VPS53: variants seen among roughly 807,000 people sequenced by gnomAD.
The protein encoded by VPS53 is VPS53 subunit of GARP complex.
In VPS53, 70 loss-of-function variants were observed where a neutral mutation model predicts 107.0. The ratio of observed to expected loss-of-function variants is 0.65; its 90% confidence interval spans 0.54 to 0.80. VPS53 has a LOEUF of 0.80. Among genes scored for constraint, VPS53 ranks in the 30% least tolerant of loss-of-function variants. The pLI, the probability that VPS53 is intolerant of heterozygous loss-of-function variation, is 0.00. For synonymous variants in VPS53, 409 were observed against 393.3 expected, an observed-to-expected ratio of 1.04 and a Z score of -0.47; for missense variants, 917 against 1,049.4, an observed-to-expected ratio of 0.87 and a Z score of 1.74.
At chr17:661,632 C>G (rs1971442426) in intron 5 of VPS53, among the ~76,000 whole-genome samples, 177 bp downstream of exon 5, 1 of 152,102 alleles carries the variant, frequency 6.6e-6, no homozygotes, top group South Asian at 2.1e-4. Flanking sequence ...CCACCACTGA[C>G]CAGCAGCTCC....
intron 15 of VPS53, among the ~76,000 whole-genome samples, 169 bp downstream of exon 15, chr17:560,257 G>C (rs548177038): frequency 2.0e-5 from 3 of 152,266 alleles, no homozygotes; most frequent in Non-Finnish European, 4.4e-5. Context: ...TAAGACAGCT[G>C]CCTGGGCAGC....
chr17:710,531 A>C lies in VPS53; in HGVS notation c.168+2T>G. ...AGGAAGGAAACCTGAAACTCTACTTACTTGCTCGGTTGGGAACAGGGTATT... is the reference window on the plus strand; with the variant it reads ...AGGAAGGAAACCTGAAACTCTACTTCCTTGCTCGGTTGGGAACAGGGTATT... On this transcript the variant is annotated splice_donor_variant, in intron 2 of 21. Transcript: ENST00000437048. LOFTEE classifies it high-confidence loss of function. 6.2e-7 allele frequency: 1 copy of C among 1,612,344 alleles called. No homozygotes were observed. Among genetic ancestry groups the C allele is most frequent in the South Asian group, 1.1e-5 (1 of 90,992 alleles).
intron 4 of VPS53, among the ~76,000 whole-genome samples, chr17:670,181 G>T (rs1244938246): frequency 6.6e-6 from 1 of 151,242 alleles, no homozygotes; most frequent in African/African-American, 2.4e-5. Context: ...CCCTACTGGA[G>T]TTTCTGAACT....
chr17:665,328 C>CGCGGGAAGAT, intron 4 of VPS53, among the ~76,000 whole-genome samples: 1 of 152,164 alleles, frequency 6.6e-6, no homozygotes, highest in Non-Finnish European at 1.5e-5. Context: ...AAGCCCTCGC[C>CGCGGGAAGAT]GCGGGAAGAT....
At chr17:589,803 G>C (rs1193261700) in intron 12 of VPS53, among the ~76,000 whole-genome samples, 2 of 152,134 alleles carry the variant, frequency 1.3e-5, no homozygotes, top group South Asian at 2.1e-4. Flanking sequence ...TTTGAAGTCA[G>C]GTAGTGTGAT....
chr17:540,479 AC>A (rs1910545898), intron 17 of VPS53: 1 of 152,324 alleles, frequency 6.6e-6, no homozygotes. Flanking sequence ...TGCTGGGATT[AC>A]AGGTGTGAGC....
chr17:702,353 AG>A, intron 2 of VPS53, among the ~76,000 whole-genome samples: 1 of 152,056 alleles, frequency 6.6e-6, no homozygotes. Flanking sequence ...AATCTCAAAA[AG>A]AAAAAATAAA....
chr17:556,378 C>A (rs186247110), intron 15 of VPS53, among the ~76,000 whole-genome samples: 17 of 152,322 alleles, frequency 1.1e-4, no homozygotes, highest in African/African-American at 4.1e-4. Flanking sequence ...ACAAATATTT[C>A]ATATCAATGT....
chr17:654,142 C>A (rs185701446), intron 6 of VPS53, among the ~76,000 whole-genome samples: 86 of 152,146 alleles, frequency 5.7e-4, no homozygotes, highest in African/African-American at 2.1e-3. Flanking sequence ...TTTCAGTGAC[C>A]CGAGATCGTG....
chr17:632,631 C>T, intron 7 of VPS53: 1 of 443,772 alleles, frequency 2.3e-6, no homozygotes, highest in South Asian at 1.6e-5. Context: ...TATTTTTGTG[C>T]CCAGTAGCCA....
intron 1 of VPS53, among the ~76,000 whole-genome samples, chr17:712,208 T>C (rs1327438974): frequency 1.6e-5 from 2 of 128,754 alleles, no homozygotes; most frequent in Non-Finnish European, 3.1e-5. Flanking sequence ...CGAGATGGAG[T>C]CTCACTCTGT....
chr17:590,324 C>T (rs1967571916), intron 12 of VPS53, among the ~76,000 whole-genome samples: 1 of 152,170 alleles, frequency 6.6e-6, no homozygotes, highest in Non-Finnish European at 1.5e-5. Context: ...CGTCTGCAAA[C>T]AGGGACAATT....
rs11655350 is a variant in VPS53, at chr17:619,870, A to G, written c.1116+3663T>C. 6.0e-3 allele frequency among the ~76,000 whole-genome samples: 720 copies of G among 120,098 alleles called. 2 individuals are homozygous for G. Among genetic ancestry groups the G allele is most frequent in the Admixed American group, 8.0e-3 (91 of 11,344 alleles). The allele number at this position is 120,098 out of a possible 152,430, so 78.8% of individuals were successfully genotyped here. ...CGGGTAGCTGGGACTACAGGCGTGC[A>G]CCACCACGCCCCGCTAATATTTCCC... is the stretch of plus-strand genomic sequence containing the variant. On this transcript the variant is annotated intron_variant, in intron 11 of 21. Transcript: ENST00000437048.
chr17:666,525 G>A (rs775373020), intron 4 of VPS53, among the ~76,000 whole-genome samples: 17 of 152,126 alleles, frequency 1.1e-4, no homozygotes, highest in East Asian at 5.8e-4. Context: ...TTAGCCGGGC[G>A]TGGTGGCAGG....
intron 4 of VPS53, among the ~76,000 whole-genome samples, chr17:663,033 C>T (rs1053190494): frequency 1.3e-5 from 2 of 151,526 alleles, no homozygotes; most frequent in Non-Finnish European, 2.9e-5. Flanking sequence ...TGGCAAGACT[C>T]GGTCTCTGCA....
chr17:686,917 CAGA>C (rs1341521664), intron 4 of VPS53, among the ~76,000 whole-genome samples: 4 of 151,966 alleles, frequency 2.6e-5, no homozygotes, highest in African/African-American at 9.7e-5. Context: ...GAGGCTGAGG[CAGA>C]AGGATTGCTT....
chr17:554,591 C>G (rs527312659), intron 15 of VPS53, among the ~76,000 whole-genome samples: 1 of 152,106 alleles, frequency 6.6e-6, no homozygotes, highest in Non-Finnish European at 1.5e-5. Flanking sequence ...TTAGTAGAGA[C>G]GGGGTTTCAC....
intron 12 of VPS53, 28 bp from the exon 13 acceptor site, chr17:586,392 A>G (rs777325620): frequency 3.1e-6 from 5 of 1,596,650 alleles, no homozygotes; most frequent in Admixed American, 3.4e-5. Context: ...AATAAACCCC[A>G]TACTTGAGTG....
At chr17:597,386 T>C (rs28520485) in intron 12 of VPS53, among the ~76,000 whole-genome samples, 6,483 of 152,208 alleles carry the variant, frequency 0.043, 454 homozygotes, top group African/African-American at 0.15. Context: ...AGGGAGATCC[T>C]GGGGCGCCCA....
Sources: allele counts gnomAD v4.1 joint callset (sites outside exome capture counted in the v4.1 genomes callset), GRCh38; gene constraint gnomAD v4.1.1; transcripts MANE v1.5; gene names NCBI Gene and HGNC (gene_info 2026-07-23, HGNC 2026-07-21).